CDH18: variants seen among roughly 807,000 people sequenced by gnomAD.
CDH18 encodes cadherin-18.
CDH18 carries 31 observed loss-of-function variants against 67.9 expected under a neutral mutation model. That is an observed-to-expected ratio of 0.46 (90% CI 0.34 to 0.62). The LOEUF (loss-of-function observed/expected upper bound fraction) is 0.62. CDH18 is among the 20% of genes least tolerant of loss of function. The pLI is 0.01. For synonymous variants in CDH18, 362 were observed against 347.2 expected, an observed-to-expected ratio of 1.04 and a Z score of -0.48; for missense variants, 890 against 975.5, an observed-to-expected ratio of 0.91 and a Z score of 1.17.
At chr5:20,143,313 A>C (rs565394858) in intron 2 of CDH18, among the ~76,000 whole-genome samples, 1 of 152,282 alleles carries the variant, frequency 6.6e-6, no homozygotes, top group Non-Finnish European at 1.5e-5. Context: ...TGGAAAATAG[A>C]ACTGGTAAGT....
At chr5:20,516,624 T>C (rs1755388264) in intron 1 of CDH18, among the ~76,000 whole-genome samples, 1 of 151,984 alleles carries the variant, frequency 6.6e-6, no homozygotes, top group African/African-American at 2.4e-5. Context: ...ACAGACTTTA[T>C]GTTAAGAATC....
chr5:20,215,243 C>G (rs1740670487), intron 2 of CDH18, among the ~76,000 whole-genome samples: 1 of 151,584 alleles, frequency 6.6e-6, no homozygotes, highest in African/African-American at 2.4e-5. Context: ...ACAATTTGAG[C>G]AATACTCGAA....
At position 19,884,628 on chromosome 5, in the gene CDH18, T is replaced by C. The variant is rs552094298; in HGVS notation, c.-256-45386A>G. 2.0e-5 allele frequency among the ~76,000 whole-genome samples: 3 copies of C among 152,096 alleles called. No individual in the cohort carries two copies. The South Asian group carries it at 6.2e-4, about 32-fold the overall frequency. ...AAATAAATAATATAAATGTTTTACA[T>C]ACTTATGACAACTCTGTGTTTTAAA... On this transcript the variant is annotated intron_variant, in intron 2 of 12. Coordinates refer to ENST00000382275, the MANE Select transcript of CDH18 (RefSeq NM_004934.5).
chr5:20,204,142 C>T (rs192612113), intron 2 of CDH18, among the ~76,000 whole-genome samples: 4 of 152,002 alleles, frequency 2.6e-5, no homozygotes, highest in East Asian at 1.9e-4. Flanking sequence ...GGTGCAGAAA[C>T]GTCAGAGAAC....
chr5:20,355,158 C>T (rs1172827322), intron 1 of CDH18, among the ~76,000 whole-genome samples: 1 of 152,194 alleles, frequency 6.6e-6, no homozygotes, highest in South Asian at 2.1e-4. Flanking sequence ...ATTCCCCCAA[C>T]AAATGCCCTG....
At chr5:20,268,256 A>G (rs911849962) in intron 1 of CDH18, among the ~76,000 whole-genome samples, 5 of 152,212 alleles carry the variant, frequency 3.3e-5, no homozygotes, top group African/African-American at 1.2e-4. Flanking sequence ...TGCAATGAAC[A>G]TATGCGTGAT....
chr5:20,497,586 G>A (rs1367579329), intron 1 of CDH18, among the ~76,000 whole-genome samples: 1 of 152,096 alleles, frequency 6.6e-6, no homozygotes. Flanking sequence ...GCACAAGCAT[G>A]AGCTCATCCA....
intron 3 of CDH18, among the ~76,000 whole-genome samples, chr5:19,798,968 C>T (rs902150358): frequency 6.6e-6 from 1 of 151,982 alleles, no homozygotes. Context: ...TATATTAATA[C>T]TACATTTTCT....
At chr5:20,159,240 A>G (rs2126604429) in intron 2 of CDH18, among the ~76,000 whole-genome samples, 1 of 152,306 alleles carries the variant, frequency 6.6e-6, no homozygotes, top group South Asian at 2.1e-4. Context: ...ACTAATGTCT[A>G]AAAAGAAATG....
Position 20,489,854 on chromosome 5 carries a change from T to A in CDH18, c.-580+85608A>T, listed in dbSNP as rs568505055. Among the ~76,000 whole-genome samples, 16 of 151,898 alleles carry A rather than the reference T, an allele frequency of 1.1e-4. 1 individual carries two copies. The South Asian group carries it at 3.3e-3, about 31-fold the overall frequency. On this transcript the variant is annotated intron_variant, in intron 1 of 14. Coordinates refer to the CDH18 transcript ENST00000507958. The stretch of plus-strand genomic sequence containing the variant: ...TAACAATGTTTACTTTTATTCAAGC[T>A]TTTTTTAATGCTTATATGGTTCAGG...
At chr5:20,529,290 A>G (rs752458880) in intron 1 of CDH18, among the ~76,000 whole-genome samples, 1 of 151,942 alleles carries the variant, frequency 6.6e-6, no homozygotes, top group Non-Finnish European at 1.5e-5. Flanking sequence ...GCCCAGAACC[A>G]GATGGATTTA....
At chr5:20,347,705 T>C (rs1044464885) in intron 1 of CDH18, among the ~76,000 whole-genome samples, 11 of 152,198 alleles carry the variant, frequency 7.2e-5, no homozygotes, top group Non-Finnish European at 1.0e-4. Context: ...CAGCATTGTG[T>C]GTTTAGCCCC....
At chr5:20,279,730 C>CAAAAAAAAAAAAAAAAAAAAAAAAAAAAA (rs1309866477) in intron 1 of CDH18, among the ~76,000 whole-genome samples, 5 of 66,686 alleles carry the variant, frequency 7.5e-5, no homozygotes, top group Non-Finnish European at 5.8e-5. Context: ...AAAAAAAAAG[C>CAAAAAAAAAAAAAAAAAAAAAAAAAAAAA]AAAAACTGTA....
intron 5 of CDH18, among the ~76,000 whole-genome samples, chr5:19,693,078 C>CTT (rs34074107): frequency 2.2e-4 from 32 of 146,178 alleles, no homozygotes; most frequent in Admixed American, 7.5e-4. Flanking sequence ...TAATAAAATC[C>CTT]TTTTTTTTTT....
At chr5:20,247,541 G>A (rs555683023) in intron 2 of CDH18, among the ~76,000 whole-genome samples, 72 of 152,136 alleles carry the variant, frequency 4.7e-4, no homozygotes, top group Admixed American at 3.5e-3. Context: ...CGAAATGGGT[G>A]GATAACGAGG....
At chr5:20,466,764 G>A (rs1751660552) in intron 1 of CDH18, among the ~76,000 whole-genome samples, 1 of 152,036 alleles carries the variant, frequency 6.6e-6, no homozygotes, top group Non-Finnish European at 1.5e-5. Context: ...GGTTTTTAGA[G>A]TTTGTGCATC....
In CDH18 at chr5:20,532,905, CACTAAAAACCTGAA is replaced by C. The variant is rs572038293; in HGVS notation, c.-580+42543_-580+42556del. On this transcript the variant is annotated intron_variant, in intron 1 of 14. Coordinates refer to the CDH18 transcript ENST00000507958. ...TGTTTCATAAACTCTTTTTTTTTTT[CACTAAAAACCTGAA>C]ACTCCCTCGTACAGTTTGACTTGTG... Among the ~76,000 whole-genome samples, 1,334 of 143,212 alleles carry C rather than the reference CACTAAAAACCTGAA, an allele frequency of 9.3e-3. 6 individuals are homozygous for C. Among genetic ancestry groups the C allele is most frequent in the Non-Finnish European group, 0.014 (940 of 65,504 alleles). The allele number at this position is 143,212 out of a possible 152,430, so 94.0% of individuals were successfully genotyped here. A position where few individuals can be genotyped will look rare whatever the true frequency, so the allele number is the denominator to read the frequency against.
At chr5:20,305,261 C>T (rs1736319041) in intron 1 of CDH18, 1 of 1,420,178 alleles carries the variant, frequency 7.0e-7, no homozygotes, top group Non-Finnish European at 1.0e-6. Flanking sequence ...GAAGGTACCA[C>T]TAAACCTTTA....
chr5:20,501,062 C>A (rs899576535), intron 1 of CDH18, among the ~76,000 whole-genome samples: 2 of 152,084 alleles, frequency 1.3e-5, no homozygotes, highest in Non-Finnish European at 2.9e-5. Flanking sequence ...TTTAGTCACT[C>A]TGTCTTAAAT....
Sources: gnomAD v4.1 joint callset for allele counts (sites outside exome capture counted in the v4.1 genomes callset) on GRCh38, gnomAD v4.1.1 for gene constraint, MANE v1.5 for transcripts, NCBI Gene and HGNC (gene_info 2026-07-23, HGNC 2026-07-21) for gene names.